Variants in BRWD3 observed in about 807,000 individuals in gnomAD.
The protein encoded by BRWD3 is bromodomain and WD repeat-containing protein 3.
In BRWD3, 10 loss-of-function variants were observed where a neutral mutation model predicts 149.7. That is an observed-to-expected ratio of 0.07 (90% CI 0.04 to 0.11). The LOEUF is 0.11. Ranked by LOEUF, BRWD3 falls within the 10% of genes least tolerant of loss-of-function variation. The pLI is 1.00. For missense variants in BRWD3, 940 were observed against 1,373.2 expected, an observed-to-expected ratio of 0.68 and a Z score of 4.99; for synonymous variants, 504 against 456.7, an observed-to-expected ratio of 1.10 and a Z score of -1.32.
chrX:80,747,884 A>G (rs755519660), intron 6 of BRWD3, among the ~76,000 whole-genome samples: 1 of 111,472 alleles, frequency 9.0e-6, no homozygotes, highest in Non-Finnish European at 1.9e-5. Flanking sequence ...AAAACAGAAA[A>G]TTTCACTCCT....
intron 8 of BRWD3, among the ~76,000 whole-genome samples, chrX:80,736,696 TA>T (rs914827560): frequency 3.3e-3 from 301 of 90,821 alleles, no homozygotes; most frequent in Non-Finnish European, 5.0e-3. Flanking sequence ...GAGATCAAGT[TA>T]AAAAAAAAAA....
intron 6 of BRWD3, among the ~76,000 whole-genome samples, chrX:80,785,933 C>T (rs12689069): frequency 1.8e-5 from 2 of 111,438 alleles, no homozygotes; most frequent in Admixed American, 9.6e-5. Flanking sequence ...GGGAGGTTGA[C>T]GCAGGAGAAT....
chrX:80,683,495 A>G (rs200684993), intron 37 of BRWD3, among the ~76,000 whole-genome samples: 2 of 111,808 alleles, frequency 1.8e-5, no homozygotes, highest in South Asian at 7.4e-4. Flanking sequence ...GCAAATATAT[A>G]TTTACTGTGC....
intron 15 of BRWD3, among the ~76,000 whole-genome samples, chrX:80,724,127 G>A (rs1293324683): frequency 8.9e-6 from 1 of 111,799 alleles, no homozygotes; most frequent in East Asian, 2.8e-4. Context: ...ATGAGTGACT[G>A]TGAAGATTAA....
chrX:80,688,162 T>TC (rs756458688), intron 33 of BRWD3, 37 bp from the exon 34 acceptor site: 17 of 1,058,091 alleles, frequency 1.6e-5, no homozygotes, highest in Non-Finnish European at 2.2e-5. Flanking sequence ...AGACGTTAAG[T>TC]TACATTCAAA....
chrX:80,767,547 T>A (rs868334744), intron 6 of BRWD3, among the ~76,000 whole-genome samples: 1 of 111,757 alleles, frequency 8.9e-6, no homozygotes, highest in Middle Eastern at 4.6e-3. Context: ...AAACCCCATC[T>A]GTAGGTCACC....
intron 17 of BRWD3, 111 bp from the exon 18 acceptor site, chrX:80,719,767 C>T (rs762388792): frequency 1.5e-4 from 116 of 752,826 alleles, no homozygotes; most frequent in Non-Finnish European, 2.2e-4. Flanking sequence ...CAGCATTAAA[C>T]GTAAAATAAA....
chrX:80,719,710 A>G, intron 17 of BRWD3, 54 bp from the exon 18 acceptor site: 2 of 1,099,613 alleles, frequency 1.8e-6, no homozygotes, highest in Non-Finnish European at 1.3e-6. Context: ...AGTATACCTT[A>G]AACATAGTAA....
At chrX:80,738,801 T>C (rs950867184) in intron 8 of BRWD3, among the ~76,000 whole-genome samples, 1 of 111,632 alleles carries the variant, frequency 9.0e-6, no homozygotes, top group Non-Finnish European at 1.9e-5. Context: ...AAGGCAGCCA[T>C]GTACCTAGAA....
rs1319747771 is a variant in BRWD3 at position 80,691,099 on chromosome X, T to C, written c.3556A>G (p.Thr1186Ala). The change falls in exon 31 of 41, where the codon ACT (threonine) becomes GCT (alanine). Residue 1186 changes from threonine (T) to alanine (A), a missense_variant. Thr to Ala is a moderately conservative substitution (Grantham distance 58, BLOSUM62 0). Around this residue, in one of 6 missense-constraint regions of BRWD3, gnomAD observed 349 missense variants for 419.6 expected, o/e 0.83. Coordinates refer to ENST00000373275, the MANE Select transcript of BRWD3 (RefSeq NM_153252.5). ...CTCCGCCTGATGGTATTGAGGTCAGTTGGATAAGCAACTACAGTACAATAC... is the reference window on the plus strand; with the variant it reads ...CTCCGCCTGATGGTATTGAGGTCAGCTGGATAAGCAACTACAGTACAATAC... ...PLYCTVVAYP[T>A]DLNTIRRRLE... 2.5e-6 allele frequency: 3 copies of C among 1,206,984 alleles called. No individual in the cohort carries two copies. Among genetic ancestry groups the C allele is most frequent in the Admixed American group, 2.2e-5 (1 of 45,491 alleles).
At chrX:80,716,100 A>G in intron 20 of BRWD3, 57 bp downstream of exon 20, 1 of 989,290 alleles carries the variant, frequency 1.0e-6, no homozygotes, top group Non-Finnish European at 1.4e-6. Context: ...TCAAAAGCCT[A>G]TTATCTACAA....
intron 4 of BRWD3, among the ~76,000 whole-genome samples, chrX:80,797,733 T>C: frequency 8.9e-6 from 1 of 111,988 alleles, no homozygotes; most frequent in Non-Finnish European, 1.9e-5. Context: ...TTTCACTCTA[T>C]ACAATAGAAA....
chrX:80,739,497 G>A (rs1185119707), intron 8 of BRWD3, among the ~76,000 whole-genome samples: 1 of 111,463 alleles, frequency 9.0e-6, no homozygotes, highest in Non-Finnish European at 1.9e-5. Flanking sequence ...ACCATGAGAT[G>A]ACTAAGAGAA....
chrX:80,674,004 A>C lies in BRWD3; in HGVS notation c.*2605T>G, dbSNP rs1171599658. The C allele has an allele frequency of 1.8e-5, 2 of 111,657 alleles. No homozygotes were observed. Among genetic ancestry groups the C allele is most frequent in the African/African-American group, 3.2e-5 (1 of 30,815 alleles). 9.2% of individuals were successfully genotyped at this position (111,657 alleles called of 1,213,427 possible). A position where few individuals can be genotyped will look rare whatever the true frequency, so the allele number is the denominator to read the frequency against. On this transcript the variant is annotated 3_prime_UTR_variant, in exon 41 of 41. Coordinates refer to ENST00000373275, the MANE Select transcript of BRWD3 (RefSeq NM_153252.5). ...CAAAGTGTAAATTGGGGGAAAAAAA[A>C]GTCCAGATATAAAAGTAAAAATACT...
chrX:80,727,411 T>C (rs1241052771), intron 14 of BRWD3, among the ~76,000 whole-genome samples: 2 of 111,255 alleles, frequency 1.8e-5, no homozygotes, highest in Non-Finnish European at 3.8e-5. Context: ...CAATTGTATC[T>C]GGGGAGAATC....
At chrX:80,740,983 A>G (rs2073482971) in intron 8 of BRWD3, among the ~76,000 whole-genome samples, 1 of 111,080 alleles carries the variant, frequency 9.0e-6, no homozygotes, top group Non-Finnish European at 1.9e-5. Flanking sequence ...ATACGTATAC[A>G]TGTGCCATGT....
At chrX:80,741,142 G>C (rs1429212993) in intron 8 of BRWD3, among the ~76,000 whole-genome samples, 1 of 109,635 alleles carries the variant, frequency 9.1e-6, no homozygotes, top group Non-Finnish European at 1.9e-5. Flanking sequence ...TCCCACCTAT[G>C]AGTGAGAACA....
At chrX:80,741,138 C>T (rs781727571) in intron 8 of BRWD3, among the ~76,000 whole-genome samples, 1 of 110,302 alleles carries the variant, frequency 9.1e-6, no homozygotes, top group Non-Finnish European at 1.9e-5. Flanking sequence ...CAATTCCCAC[C>T]TATGAGTGAG....
At chrX:80,771,081 C>T (rs1420549638) in intron 6 of BRWD3, among the ~76,000 whole-genome samples, 3 of 111,137 alleles carry the variant, frequency 2.7e-5, no homozygotes, top group African/African-American at 9.8e-5. Context: ...AACTACAAAC[C>T]TGCTCAGCGA....
Sources: gnomAD v4.1 joint callset for allele counts (sites outside exome capture counted in the v4.1 genomes callset) on GRCh38, gnomAD v4.1.1 for gene constraint, gnomAD v4.1.1 regional missense constraint, MANE v1.5 for transcripts, NCBI Gene and HGNC (gene_info 2026-07-23, HGNC 2026-07-21) for gene names.